The following ELAVL2 variants were observed in gnomAD, a reference collection of about 807,000 sequenced individuals.
ELAVL2 encodes ELAV like RNA binding protein 2.
A neutral mutation model predicts 34.6 loss-of-function variants in ELAVL2; 4 were observed. The observed-to-expected ratio is 0.12, with a 90% CI of 0.06 to 0.26. The LOEUF is 0.26. ELAVL2 is among the 10% of genes least tolerant of loss of function. The pLI is 1.00. For missense variants in ELAVL2, 432 were observed against 442.8 expected (o/e 0.98, Z 0.22); for synonymous variants, 193 against 154.8 (o/e 1.25, Z -1.83).
chr9:23,726,787 A>G (rs953802994), intron 3 of ELAVL2, among the ~76,000 whole-genome samples: 27 of 145,974 alleles, frequency 1.8e-4, no homozygotes, highest in Non-Finnish European at 3.6e-4. Flanking sequence ...ATTGGCTTTA[A>G]GCCATAAAAA....
At chr9:23,692,962 C>T in intron 6 of ELAVL2, 78 bp from the exon 7 acceptor site, 1 of 1,313,944 alleles carries the variant, frequency 7.6e-7, no homozygotes, top group Non-Finnish European at 1.0e-6. Context: ...GAACGTATAC[C>T]TTTTCCATCC....
the ELAVL2 span, among the ~76,000 whole-genome samples, chr9:23,844,477 T>G: frequency 6.6e-6 from 1 of 152,056 alleles, no homozygotes; most frequent in East Asian, 1.9e-4. Context: ...AATTAAGCAC[T>G]AAGAAATTAG....
chr9:23,720,696 T>A (rs535723543), intron 3 of ELAVL2, among the ~76,000 whole-genome samples: 1 of 152,270 alleles, frequency 6.6e-6, no homozygotes, highest in African/African-American at 2.4e-5. Context: ...ATTCAACATA[T>A]CTTGATGTAA....
chr9:23,718,822 C>CT lies in ELAVL2; in HGVS notation c.333+12199dup, dbSNP rs567719037. Among the ~76,000 whole-genome samples, 65 of 152,212 alleles carry CT rather than the reference C, an allele frequency of 4.3e-4. No individual in the cohort carries two copies. The East Asian group carries it at 7.3e-3, about 17-fold the overall frequency. On this transcript the variant is annotated intron_variant, in intron 3 of 6. Transcript: ENST00000397312. The stretch of plus-strand genomic sequence containing the variant: ...CATTAGAGAATAACCATAGGGAAAG[C>CT]TTTTTTTAAATGAACTGATTTGCAA...
At chr9:23,716,107 G>T (rs1010174260) in intron 3 of ELAVL2, among the ~76,000 whole-genome samples, 3 of 147,584 alleles carry the variant, frequency 2.0e-5, no homozygotes, top group African/African-American at 7.5e-5. Context: ...TAGGTGGGAA[G>T]TGAACAATGA....
intron 1 of ELAVL2, among the ~76,000 whole-genome samples, chr9:23,799,625 T>C (rs1192993081): frequency 6.6e-6 from 1 of 152,154 alleles, no homozygotes; most frequent in African/African-American, 2.4e-5. Context: ...TAGTAACTCT[T>C]GCTACTCCCA....
intron 3 of ELAVL2, among the ~76,000 whole-genome samples, chr9:23,708,886 C>T (rs1034602164): frequency 6.6e-6 from 1 of 152,112 alleles, no homozygotes; most frequent in Non-Finnish European, 1.5e-5. Flanking sequence ...GATCAGCCCA[C>T]CTCGGCCTCC....
chr9:23,718,949 G>C (rs1247451862), intron 3 of ELAVL2, among the ~76,000 whole-genome samples: 1 of 152,112 alleles, frequency 6.6e-6, no homozygotes, highest in Non-Finnish European at 1.5e-5. Flanking sequence ...AATAATTACT[G>C]TATTCCCAAA....
chr9:23,821,924 C>A (rs1280246105), intron 1 of ELAVL2: 1 of 151,250 alleles, frequency 6.6e-6, no homozygotes, highest in Admixed American at 6.6e-5. Flanking sequence ...GGCGCCGCGG[C>A]CGCCGCCGGC....
intron 1 of ELAVL2, among the ~76,000 whole-genome samples, chr9:23,779,749 A>G (rs779176297): frequency 6.6e-6 from 1 of 151,892 alleles, no homozygotes; most frequent in Non-Finnish European, 1.5e-5. Context: ...CACAGCGCGG[A>G]AAGTTTCTGT....
the ELAVL2 span, among the ~76,000 whole-genome samples, chr9:23,844,908 T>C: frequency 1.3e-5 from 2 of 151,988 alleles, no homozygotes; most frequent in Non-Finnish European, 2.9e-5. Context: ...TTGTGGTGCA[T>C]AGCTTGAAGG....
intron 1 of ELAVL2, among the ~76,000 whole-genome samples, chr9:23,788,538 G>T (rs1005141255): frequency 6.6e-6 from 1 of 152,074 alleles, no homozygotes; most frequent in African/African-American, 2.4e-5. Flanking sequence ...CAATAACTAA[G>T]AACTGCTGTA....
intron 3 of ELAVL2, among the ~76,000 whole-genome samples, chr9:23,705,932 C>G (rs1046522547): frequency 1.3e-5 from 2 of 152,126 alleles, no homozygotes; most frequent in Admixed American, 1.3e-4. Flanking sequence ...TTTTTGTTTT[C>G]TAGCCTCTCA....
intron 1 of ELAVL2, among the ~76,000 whole-genome samples, chr9:23,822,805 G>A (rs2065002127): frequency 6.6e-6 from 1 of 152,232 alleles, no homozygotes; most frequent in Non-Finnish European, 1.5e-5. Flanking sequence ...CCGAGCAGTG[G>A]GCGACCCAGT....
intron 1 of ELAVL2, among the ~76,000 whole-genome samples, chr9:23,775,875 C>G (rs2058101087): frequency 6.6e-6 from 1 of 152,182 alleles, no homozygotes; most frequent in African/African-American, 2.4e-5. Flanking sequence ...CGGAAGAGAG[C>G]AGACAAACCT....
chr9:23,719,823 C>CTTTT (rs201455930), intron 3 of ELAVL2, among the ~76,000 whole-genome samples: 2 of 130,516 alleles, frequency 1.5e-5, no homozygotes, highest in Non-Finnish European at 1.6e-5. Context: ...TTAAAAGCCA[C>CTTTT]TTTTTTTTTT....
chr9:23,818,220 C>T (rs2138411939), intron 1 of ELAVL2, among the ~76,000 whole-genome samples: 1 of 152,234 alleles, frequency 6.6e-6, no homozygotes, highest in Middle Eastern at 3.4e-3. Context: ...TGTGGCATCA[C>T]TAGACATAAA....
At chr9:23,822,163 G>T (rs1013444097) in intron 1 of ELAVL2, among the ~76,000 whole-genome samples, 1 of 152,126 alleles carries the variant, frequency 6.6e-6, no homozygotes, top group African/African-American at 2.4e-5. Context: ...TAACGTGGGG[G>T]TTACTTTATG....
At chr9:23,834,911 T>C in the ELAVL2 span, among the ~76,000 whole-genome samples, 2 of 152,230 alleles carry the variant, frequency 1.3e-5, no homozygotes, top group East Asian at 1.9e-4. Context: ...TAGATTTTTA[T>C]AGTACCTTTT....
Sources: allele counts gnomAD v4.1 joint callset (sites outside exome capture counted in the v4.1 genomes callset), GRCh38; gene constraint gnomAD v4.1.1; transcripts MANE v1.5; gene names NCBI Gene and HGNC (gene_info 2026-07-23, HGNC 2026-07-21).